Variants in JAZF1 observed in about 807,000 individuals in gnomAD.
JAZF1 encodes the protein juxtaposed with another zinc finger protein 1.
JAZF1 carries 8 observed loss-of-function variants against 26.4 expected under a neutral mutation model. The ratio of observed to expected loss-of-function variants is 0.30; its 90% CI spans 0.18 to 0.55. The LOEUF is 0.55. Among genes scored for constraint, JAZF1 ranks in the 20% least tolerant of loss-of-function variants. JAZF1 has a pLI of 0.94. For synonymous variants in JAZF1, 126 were observed against 122.3 expected (o/e 1.03, Z -0.20); for missense variants, 199 against 322.0 (o/e 0.62, Z 2.92).
chr7:28,102,116 A>AC (rs997156719), intron 1 of JAZF1, among the ~76,000 whole-genome samples: 3 of 152,102 alleles, frequency 2.0e-5, no homozygotes, highest in Non-Finnish European at 4.4e-5. Flanking sequence ...ATTGCCCAGC[A>AC]CCCCCAAGGG....
intron 1 of JAZF1, among the ~76,000 whole-genome samples, chr7:28,086,854 T>C (rs979505579): frequency 1.1e-4 from 17 of 152,186 alleles, no homozygotes; most frequent in Admixed American, 9.8e-4. Context: ...CCACTGATGA[T>C]GACAAATATC....
rs7794172 is a variant in JAZF1, at chr7:28,046,965, T to C, written c.116-54984A>G. 8.8e-3 allele frequency among the ~76,000 whole-genome samples: 1,342 copies of C among 152,328 alleles called. 20 individuals carry two copies. Among genetic ancestry groups the C allele is most frequent in the African/African-American group, 0.029 (1,189 of 41,582 alleles). On this transcript the variant is annotated intron_variant, in intron 1 of 4. Coordinates refer to ENST00000283928, the MANE Select transcript of JAZF1 (RefSeq NM_175061.4). ...TATGGTCTCTTTCACCATAATTTCA[T>C]GAAATTGAATTTGTTAAACATTTTA...
chr7:27,930,237 C>T (rs944345430), intron 2 of JAZF1, among the ~76,000 whole-genome samples: 9 of 152,234 alleles, frequency 5.9e-5, no homozygotes, highest in South Asian at 2.1e-4. Context: ...CCTCATGATC[C>T]GCCCGCCTTG....
At chr7:28,119,071 T>A (rs1401861715) in intron 1 of JAZF1, among the ~76,000 whole-genome samples, 5 of 152,108 alleles carry the variant, frequency 3.3e-5, no homozygotes, top group African/African-American at 1.2e-4. Flanking sequence ...ACAGTTGAAC[T>A]GGAAGCCAAC....
intron 3 of JAZF1, among the ~76,000 whole-genome samples, chr7:27,848,405 A>C (rs532945695): frequency 6.6e-6 from 1 of 152,350 alleles, no homozygotes; most frequent in Admixed American, 6.5e-5. Context: ...CGTATCCTGC[A>C]ACCTTACTGA....
intron 1 of JAZF1, among the ~76,000 whole-genome samples, chr7:28,152,421 C>T (rs1174029446): frequency 6.6e-6 from 1 of 152,198 alleles, no homozygotes; most frequent in Non-Finnish European, 1.5e-5. Flanking sequence ...AGCTGGCCCT[C>T]TGACCCACTC....
intron 2 of JAZF1, among the ~76,000 whole-genome samples, chr7:27,943,049 G>A (rs1055581768): frequency 3.3e-5 from 5 of 152,140 alleles, no homozygotes; most frequent in African/African-American, 9.7e-5. Context: ...CTGTCACATC[G>A]ATGCGTTCCT....
At chr7:27,967,813 C>A (rs747315768) in intron 2 of JAZF1, among the ~76,000 whole-genome samples, 1 of 152,188 alleles carries the variant, frequency 6.6e-6, no homozygotes, top group East Asian at 1.9e-4. Context: ...ACTGACAATA[C>A]AAATTGTTGG....
rs140274201 is a variant in JAZF1 at position 27,906,853 on chromosome 7, G to A, written c.189-11437C>T. On this transcript the variant is annotated intron_variant, in intron 2 of 4. Coordinates refer to ENST00000283928, the MANE Select transcript of JAZF1 (RefSeq NM_175061.4). ...TTTTCATTGCTAATTTGACATCCAC[G>A]TAAAGACTAATGAACAAAACAAAGA... 2.1e-3 allele frequency among the ~76,000 whole-genome samples: 315 copies of A among 152,246 alleles called. 1 individual carries two copies. The highest frequency in any genetic ancestry group is 6.5e-3 in the African/African-American group (269 of 41,526).
intron 2 of JAZF1, among the ~76,000 whole-genome samples, chr7:27,901,293 C>A (rs1239326356): frequency 6.6e-6 from 1 of 152,150 alleles, no homozygotes; most frequent in Admixed American, 6.5e-5. Flanking sequence ...AGTACATATT[C>A]CTTAAGTAAA....
chr7:27,946,915 T>C (rs1198158630), intron 2 of JAZF1, among the ~76,000 whole-genome samples: 1 of 152,202 alleles, frequency 6.6e-6, no homozygotes, highest in African/African-American at 2.4e-5. Context: ...AGAATATCAC[T>C]GTAATATGTA....
chr7:27,838,507 C>A (rs183909680), intron 4 of JAZF1, among the ~76,000 whole-genome samples: 1 of 152,234 alleles, frequency 6.6e-6, no homozygotes, highest in East Asian at 1.9e-4. Flanking sequence ...CTGCTGCCAG[C>A]AGCAAGCAGG....
chr7:28,114,882 G>A (rs777033320), intron 1 of JAZF1, among the ~76,000 whole-genome samples: 13 of 152,008 alleles, frequency 8.6e-5, no homozygotes, highest in Non-Finnish European at 2.9e-5. Flanking sequence ...GCAACAAAAT[G>A]GGGGTGAAAG....
chr7:27,867,649 T>A (rs927037449), intron 3 of JAZF1, among the ~76,000 whole-genome samples: 1 of 152,234 alleles, frequency 6.6e-6, no homozygotes. Context: ...TGACAAACTT[T>A]GACATAAGCG....
intron 1 of JAZF1, among the ~76,000 whole-genome samples, chr7:28,160,084 C>T (rs1051942939): frequency 4.0e-5 from 6 of 151,656 alleles, no homozygotes; most frequent in African/African-American, 9.7e-5. Context: ...GGGTGGGGTA[C>T]GGAATCTCAC....
intron 1 of JAZF1, among the ~76,000 whole-genome samples, chr7:28,112,345 G>T (rs1042325556): frequency 6.6e-6 from 1 of 152,142 alleles, no homozygotes; most frequent in Non-Finnish European, 1.5e-5. Context: ...TGCTGATTTT[G>T]TAACATCCAT....
intron 2 of JAZF1, among the ~76,000 whole-genome samples, 154 bp downstream of exon 2, chr7:27,991,755 A>G (rs111885672): frequency 1.2e-4 from 19 of 152,350 alleles, no homozygotes; most frequent in African/African-American, 2.4e-4. Flanking sequence ...TAACAAAGAA[A>G]CAAGAGCATT....
intron 2 of JAZF1, among the ~76,000 whole-genome samples, chr7:27,964,718 A>C (rs913917402): frequency 6.6e-6 from 1 of 151,786 alleles, no homozygotes; most frequent in African/African-American, 2.4e-5. Flanking sequence ...AAGGAAATCA[A>C]AGGAAAAAAG....
intron 1 of JAZF1, among the ~76,000 whole-genome samples, chr7:28,062,022 T>TG (rs1190202376): frequency 6.6e-6 from 1 of 152,218 alleles, no homozygotes; most frequent in Admixed American, 6.5e-5. Context: ...CACAGAATTT[T>TG]TTACTGAGTA....
Sources: gnomAD v4.1 joint callset for allele counts (sites outside exome capture counted in the v4.1 genomes callset) on GRCh38, gnomAD v4.1.1 for gene constraint, MANE v1.5 for transcripts, NCBI Gene and HGNC (gene_info 2026-07-23, HGNC 2026-07-21) for gene names.